Variants in ITGA9 observed in about 807,000 individuals in gnomAD.
ITGA9 encodes integrin subunit alpha 9, also known as integrin alpha-9.
A neutral mutation model predicts 127.8 loss-of-function variants in ITGA9; 56 were observed. That is an observed-to-expected ratio of 0.44 (90% confidence interval 0.35 to 0.55). The LOEUF is 0.55. Among genes scored for constraint, ITGA9 ranks in the 20% least tolerant of loss-of-function variants. The pLI, the probability that ITGA9 is intolerant of heterozygous loss-of-function variation, is 0.00. For synonymous variants in ITGA9, 508 were observed against 514.5 expected (o/e 0.99, Z 0.17); for missense variants, 1,196 against 1,347.1 (o/e 0.89, Z 1.76).
Position 37,620,537 on chromosome 3 carries a change from A to T in ITGA9, c.1690-8650A>T, listed in dbSNP as rs187540079. On this transcript the variant is annotated intron_variant, in intron 15 of 27. Coordinates refer to ENST00000264741, the MANE Select transcript of ITGA9 (RefSeq NM_002207.3). Reference sequence around the variant, plus strand: ...AAGGTTGATTCTGTCATCCCATTTTACATCTGAGAAAACAAGCTCAGAGAG... The same window carrying T: ...AAGGTTGATTCTGTCATCCCATTTTTCATCTGAGAAAACAAGCTCAGAGAG... Among the ~76,000 whole-genome samples the T allele has an allele frequency of 5.1e-4, 77 of 152,192 alleles. No homozygotes were observed. The East Asian group carries it at 0.014, about 27-fold the overall frequency.
intron 20 of ITGA9, among the ~76,000 whole-genome samples, chr3:37,737,808 A>G (rs1411696854): frequency 1.3e-5 from 2 of 152,212 alleles, no homozygotes; most frequent in Non-Finnish European, 2.9e-5. Flanking sequence ...AGAATAGTGC[A>G]AGGAACTCCT....
At chr3:37,497,661 C>T (rs1559520845) in intron 5 of ITGA9, among the ~76,000 whole-genome samples, 2 of 152,214 alleles carry the variant, frequency 1.3e-5, no homozygotes, top group Non-Finnish European at 2.9e-5. Flanking sequence ...CTTTTCCTCT[C>T]CCCATTGAAA....
At chr3:37,713,100 C>T (rs994292615) in intron 18 of ITGA9, among the ~76,000 whole-genome samples, 4 of 152,140 alleles carry the variant, frequency 2.6e-5, no homozygotes, top group Non-Finnish European at 5.9e-5. Flanking sequence ...AGCTCTAGGA[C>T]AGACCAGCAG....
chr3:37,526,126 G>A (rs1699090804), intron 13 of ITGA9, 55 bp downstream of exon 13: 12 of 1,464,684 alleles, frequency 8.2e-6, no homozygotes, highest in Non-Finnish European at 1.2e-5. Context: ...GAGGGATGGA[G>A]CCATTCACCA....
intron 5 of ITGA9, among the ~76,000 whole-genome samples, chr3:37,495,368 C>T (rs888833739): frequency 2.0e-5 from 3 of 152,190 alleles, no homozygotes; most frequent in African/African-American, 4.8e-5. Context: ...GCTGGTAGTA[C>T]ATTTTTAGGG....
At position 37,513,879 on chromosome 3, in the gene ITGA9, T is replaced by C. The variant is rs891591600; in HGVS notation, c.1014T>C (p.Thr338=). ...AGATCAGGGATGAGGGACAGGTCAC[T>C]GTCTACATCAACAGAGGAAATGTGA... is the stretch of plus-strand genomic sequence containing the variant. ...FSEIRDEGQV[T]VYINRGNGAL... is the part of the protein sequence containing the mutation. Residue 338 remains threonine (T), a synonymous_variant, in exon 9 of 28, where the codon ACT becomes ACC. Transcript: ENST00000264741. 6.2e-7 allele frequency: 1 copy of C among 1,613,548 alleles called. No individual in the cohort carries two copies. The highest frequency in any genetic ancestry group is 8.5e-7 in the Non-Finnish European group (1 of 1,180,008).
At chr3:37,678,161 T>C (rs1700700681) in intron 17 of ITGA9, among the ~76,000 whole-genome samples, 1 of 152,246 alleles carries the variant, frequency 6.6e-6, no homozygotes, top group South Asian at 2.1e-4. Flanking sequence ...TTTGAGTTCC[T>C]GCTTTCAGTT....
intron 1 of ITGA9, among the ~76,000 whole-genome samples, chr3:37,459,243 G>A (rs1215272537): frequency 3.3e-5 from 5 of 152,256 alleles, no homozygotes; most frequent in Admixed American, 3.3e-4. Flanking sequence ...GTTCCCAACA[G>A]TCCTTTCAGC....
At chr3:37,709,041 TTTC>T (rs764659286) in intron 18 of ITGA9, among the ~76,000 whole-genome samples, 6 of 152,266 alleles carry the variant, frequency 3.9e-5, no homozygotes, top group South Asian at 2.1e-4. Context: ...TGGCCTTAGT[TTTC>T]TTCTTCTTTT....
intron 15 of ITGA9, among the ~76,000 whole-genome samples, chr3:37,557,621 A>G (rs1047991844): frequency 6.6e-6 from 1 of 152,188 alleles, no homozygotes; most frequent in African/African-American, 2.4e-5. Context: ...AAAAAAATGT[A>G]TTAAGGGCTA....
intron 22 of ITGA9, among the ~76,000 whole-genome samples, chr3:37,746,262 C>T (rs973614858): frequency 3.3e-5 from 5 of 152,160 alleles, no homozygotes; most frequent in East Asian, 1.9e-4. Context: ...TTTTAAAAAT[C>T]GGTTATTCAA....
intron 8 of ITGA9, among the ~76,000 whole-genome samples, chr3:37,510,446 C>T (rs536526664): frequency 2.0e-5 from 3 of 152,220 alleles, no homozygotes; most frequent in African/African-American, 4.8e-5. Flanking sequence ...CTATTGCCTT[C>T]GAGTAATTAA....
At chr3:37,583,005 C>T (rs1475917552) in intron 15 of ITGA9, among the ~76,000 whole-genome samples, 3 of 152,168 alleles carry the variant, frequency 2.0e-5, no homozygotes, top group Non-Finnish European at 4.4e-5. Flanking sequence ...TTATTTCCCT[C>T]CATTAGTTTG....
At chr3:37,505,851 G>A in intron 6 of ITGA9, 149 bp from the exon 7 acceptor site, 2 of 700,414 alleles carry the variant, frequency 2.9e-6, no homozygotes, top group Non-Finnish European at 2.6e-6. Flanking sequence ...ATTTCAGCAT[G>A]AGAAGGTTGA....
intron 16 of ITGA9, among the ~76,000 whole-genome samples, chr3:37,645,015 G>A (rs1056608476): frequency 3.9e-5 from 6 of 152,212 alleles, no homozygotes; most frequent in Non-Finnish European, 7.4e-5. Flanking sequence ...TGGATTCTGG[G>A]AAAACAGCCC....
chr3:37,651,818 G>T (rs986136236), intron 16 of ITGA9, among the ~76,000 whole-genome samples: 5 of 152,186 alleles, frequency 3.3e-5, no homozygotes, highest in African/African-American at 1.2e-4. Context: ...GTGGGAAGTT[G>T]TAAGGACAAC....
At chr3:37,552,484 T>C (rs1223057131) in intron 15 of ITGA9, among the ~76,000 whole-genome samples, 1 of 152,128 alleles carries the variant, frequency 6.6e-6, no homozygotes, top group Non-Finnish European at 1.5e-5. Flanking sequence ...TGGCCTCTTT[T>C]CTTCTCATTT....
At chr3:37,611,879 TTCC>T (rs1298020514) in intron 15 of ITGA9, among the ~76,000 whole-genome samples, 1 of 152,112 alleles carries the variant, frequency 6.6e-6, no homozygotes, top group Non-Finnish European at 1.5e-5. Context: ...CTCTGCGCTC[TTCC>T]CTTCCTATGG....
intron 6 of ITGA9, among the ~76,000 whole-genome samples, chr3:37,504,004 T>G (rs563995022): frequency 1.3e-5 from 2 of 152,352 alleles, no homozygotes; most frequent in Non-Finnish European, 1.5e-5. Context: ...GGCCTAATGA[T>G]GACACACAAT....
Sources: allele counts gnomAD v4.1 joint callset (sites outside exome capture counted in the v4.1 genomes callset), GRCh38; gene constraint gnomAD v4.1.1; transcripts MANE v1.5; gene names NCBI Gene and HGNC (gene_info 2026-07-23, HGNC 2026-07-21).